The following PALM2AKAP2 variants were observed in gnomAD, a reference collection of about 807,000 sequenced individuals.
PALM2AKAP2 encodes PALM2 and AKAP2 fusion.
In PALM2AKAP2, 37 loss-of-function variants were observed where a neutral mutation model predicts 71.5. The ratio of observed to expected loss-of-function variants is 0.52; its 90% CI spans 0.40 to 0.68. The LOEUF (loss-of-function observed/expected upper bound fraction) is 0.68, where lower values mean the gene tolerates loss of function less well. Among genes scored for constraint, PALM2AKAP2 ranks in the 30% least tolerant of loss-of-function variants. PALM2AKAP2 has a pLI of 0.00. For synonymous variants in PALM2AKAP2, 468 were observed against 478.8 expected (o/e 0.98, Z 0.29); for missense variants, 1,224 against 1,191.8 (o/e 1.03, Z -0.40).
At chr9:109,956,270 G>A (rs976552598) in intron 6 of PALM2AKAP2, among the ~76,000 whole-genome samples, 24 of 152,060 alleles carry the variant, frequency 1.6e-4, no homozygotes, top group Admixed American at 7.9e-4. Context: ...CTCCCAAAGC[G>A]CTGGGATTAC....
chr9:109,774,690 G>C (rs939087198), intron 1 of PALM2AKAP2, among the ~76,000 whole-genome samples: 7 of 151,936 alleles, frequency 4.6e-5, no homozygotes, highest in South Asian at 2.1e-4. Context: ...TACATAAAAG[G>C]GTGGATAAAA....
At chr9:109,888,711 C>CAAA (rs34495775) in intron 3 of PALM2AKAP2, among the ~76,000 whole-genome samples, 176 of 98,684 alleles carry the variant, frequency 1.8e-3, no homozygotes, top group South Asian at 5.4e-3. Context: ...ATTTTGCCTC[C>CAAA]AAAAAAAAAA....
At chr9:110,042,323 G>A (rs184927421) in intron 7 of PALM2AKAP2, among the ~76,000 whole-genome samples, 1 of 152,312 alleles carries the variant, frequency 6.6e-6, no homozygotes, top group South Asian at 2.1e-4. Context: ...CTACTTGGGA[G>A]GCTGAGGGAG....
intron 1 of PALM2AKAP2, among the ~76,000 whole-genome samples, chr9:109,866,102 A>G (rs1443513344): frequency 6.6e-6 from 1 of 152,238 alleles, no homozygotes; most frequent in Non-Finnish European, 1.5e-5. Flanking sequence ...GTGGCTTAAG[A>G]TTATGAGCTA....
chr9:109,761,106 G>T (rs1829045013), intron 1 of PALM2AKAP2, among the ~76,000 whole-genome samples: 1 of 152,114 alleles, frequency 6.6e-6, no homozygotes, highest in Admixed American at 6.5e-5. Flanking sequence ...GTGGAGTAAT[G>T]ATCAAACATA....
intron 1 of PALM2AKAP2, among the ~76,000 whole-genome samples, chr9:109,790,626 G>A (rs376805967): frequency 3.3e-5 from 5 of 152,076 alleles, no homozygotes; most frequent in African/African-American, 7.3e-5. Flanking sequence ...GAGAGAGGCC[G>A]GGATTTAAGA....
intron 1 of PALM2AKAP2, among the ~76,000 whole-genome samples, chr9:110,074,508 A>G (rs145038877): frequency 1.8e-3 from 277 of 152,294 alleles, no homozygotes; most frequent in African/African-American, 6.1e-3. Flanking sequence ...CATCAATGTT[A>G]ATTACAAGAT....
At chr9:109,731,708 G>A (rs1027219242) in intron 1 of PALM2AKAP2, among the ~76,000 whole-genome samples, 1 of 152,076 alleles carries the variant, frequency 6.6e-6, no homozygotes, top group South Asian at 2.1e-4. Flanking sequence ...TTTATGAAAT[G>A]CTGAACATTG....
At chr9:109,744,931 G>T (rs1183913489) in intron 1 of PALM2AKAP2, among the ~76,000 whole-genome samples, 4 of 152,134 alleles carry the variant, frequency 2.6e-5, no homozygotes, top group Non-Finnish European at 4.4e-5. Context: ...CTAGGACTAA[G>T]GCATCTTCTC....
At chr9:110,009,990 G>A (rs908697900) in intron 6 of PALM2AKAP2, among the ~76,000 whole-genome samples, 2 of 152,122 alleles carry the variant, frequency 1.3e-5, no homozygotes, top group Non-Finnish European at 2.9e-5. Context: ...AGATGTTGGC[G>A]CTAAGGAATT....
At chr9:109,752,271 G>T (rs887048522) in intron 1 of PALM2AKAP2, among the ~76,000 whole-genome samples, 1 of 152,140 alleles carries the variant, frequency 6.6e-6, no homozygotes, top group Admixed American at 6.6e-5. Context: ...CTGGGAGGAC[G>T]TGGAGCCTGA....
At chr9:110,091,508 G>T (rs1215872032) in intron 1 of PALM2AKAP2, among the ~76,000 whole-genome samples, 1 of 131,530 alleles carries the variant, frequency 7.6e-6, no homozygotes, top group African/African-American at 3.0e-5. Context: ...TGTCGCCCAG[G>T]CTGGGGTGCA....
chr9:109,945,879 A>C (rs1831492277), intron 6 of PALM2AKAP2: 2 of 152,246 alleles, frequency 1.3e-5, no homozygotes. Context: ...TAAAAGATTA[A>C]TGATTATCTG....
At chr9:110,081,123 G>C (rs1009749571) in intron 1 of PALM2AKAP2, among the ~76,000 whole-genome samples, 1 of 152,240 alleles carries the variant, frequency 6.6e-6, no homozygotes, top group Non-Finnish European at 1.5e-5. Flanking sequence ...TAAGTAGGAA[G>C]AGGCACTGCT....
intron 1 of PALM2AKAP2, among the ~76,000 whole-genome samples, chr9:109,855,401 T>C (rs1829136483): frequency 5.3e-5 from 8 of 152,184 alleles, no homozygotes; most frequent in Admixed American, 5.2e-4. Context: ...AATGGCTGTG[T>C]TTTATTTATA....
At chr9:110,101,867 G>A (rs1835008873) in intron 1 of PALM2AKAP2, among the ~76,000 whole-genome samples, 1 of 152,176 alleles carries the variant, frequency 6.6e-6, no homozygotes, top group Non-Finnish European at 1.5e-5. Flanking sequence ...CACTTACGAG[G>A]CAGCCTGTTG....
intron 3 of PALM2AKAP2, among the ~76,000 whole-genome samples, chr9:110,165,771 T>C (rs1564344075): frequency 6.6e-6 from 1 of 152,228 alleles, no homozygotes; most frequent in Non-Finnish European, 1.5e-5. Context: ...AAGGGACTAT[T>C]CTATCCTCAA....
intron 1 of PALM2AKAP2, among the ~76,000 whole-genome samples, chr9:109,802,951 C>CT (rs35246252): frequency 0.16 from 24,720 of 152,168 alleles, 2,645 homozygotes; most frequent in East Asian, 0.35. Flanking sequence ...GAATCCGGGT[C>CT]TTTTTAACAC....
At chr9:109,920,591 GC>G (rs1830806427) in intron 3 of PALM2AKAP2, among the ~76,000 whole-genome samples, 1 of 151,878 alleles carries the variant, frequency 6.6e-6, no homozygotes, top group African/African-American at 2.4e-5. Context: ...TGTTGATCAG[GC>G]CAGTCCCAAA....
Sources: gnomAD v4.1 joint callset for allele counts (sites outside exome capture counted in the v4.1 genomes callset) on GRCh38, gnomAD v4.1.1 for gene constraint, MANE v1.5 for transcripts, NCBI Gene and HGNC (gene_info 2026-07-23, HGNC 2026-07-21) for gene names.